Variants in COL23A1 observed in about 807,000 individuals in gnomAD.
The protein encoded by COL23A1 is collagen alpha-1(XXIII) chain.
Under a neutral mutation model 99.3 loss-of-function variants are expected in COL23A1, and 97 were observed. The ratio of observed to expected loss-of-function variants is 0.98; its 90% CI spans 0.83 to 1.16. COL23A1 has a LOEUF of 1.16. COL23A1 is among the 50% of genes most tolerant of loss of function. The probability of loss-of-function intolerance (pLI) is 0.00; values close to 1 mark genes in which losing one functional copy is unlikely to be tolerated. For missense variants in COL23A1, 762 were observed against 757.4 expected (o/e 1.01, Z -0.07); for synonymous variants, 320 against 308.2 (o/e 1.04, Z -0.40).
intron 2 of COL23A1, among the ~76,000 whole-genome samples, chr5:178,354,682 T>C (rs1305869772): frequency 6.6e-6 from 1 of 152,172 alleles, no homozygotes; most frequent in East Asian, 1.9e-4. Flanking sequence ...CCACCATGAT[T>C]GTAAGTTTCC....
intron 2 of COL23A1, among the ~76,000 whole-genome samples, chr5:178,545,644 A>C (rs1430142402): frequency 6.6e-6 from 1 of 152,118 alleles, no homozygotes; most frequent in Admixed American, 6.5e-5. Flanking sequence ...ATGATTGAGC[A>C]GAAGGTCTGC....
chr5:178,258,913 C>A (rs200345776), intron 12 of COL23A1, among the ~76,000 whole-genome samples: 15 of 117,590 alleles, frequency 1.3e-4, no homozygotes, highest in Admixed American at 1.1e-3. Context: ...CCAGGGTGGT[C>A]TTTTTTTTTT....
intron 2 of COL23A1, among the ~76,000 whole-genome samples, chr5:178,311,833 C>T (rs916501147): frequency 1.3e-5 from 2 of 151,508 alleles, no homozygotes; most frequent in Admixed American, 6.6e-5. Flanking sequence ...CAGGTTCAAG[C>T]GACTCCTCTG....
intron 19 of COL23A1, among the ~76,000 whole-genome samples, 159 bp downstream of exon 19, chr5:178,248,958 G>A (rs1367794907): frequency 6.6e-6 from 1 of 152,228 alleles, no homozygotes; most frequent in Non-Finnish European, 1.5e-5. Flanking sequence ...GAGGAGGACA[G>A]CGCTGGCCCA....
intron 2 of COL23A1, among the ~76,000 whole-genome samples, chr5:178,389,918 C>A (rs1037382937): frequency 6.6e-6 from 1 of 152,236 alleles, no homozygotes; most frequent in Non-Finnish European, 1.5e-5. Flanking sequence ...CCTGCCAAGA[C>A]ACCGGTAAGC....
intron 1 of COL23A1, among the ~76,000 whole-genome samples, chr5:178,564,624 C>T (rs1372601337): frequency 6.6e-6 from 1 of 152,132 alleles, no homozygotes; most frequent in Non-Finnish European, 1.5e-5. Flanking sequence ...GGCAAGTTCC[C>T]TTCTAGAAGT....
At chr5:178,486,405 G>T (rs1018097760) in intron 2 of COL23A1, among the ~76,000 whole-genome samples, 1 of 152,218 alleles carries the variant, frequency 6.6e-6, no homozygotes, top group African/African-American at 2.4e-5. Context: ...GAATACCCGA[G>T]GGTGAACCGT....
At chr5:178,396,901 T>G (rs2127758665) in intron 2 of COL23A1, among the ~76,000 whole-genome samples, 1 of 152,268 alleles carries the variant, frequency 6.6e-6, no homozygotes, top group African/African-American at 2.4e-5. Context: ...GGCGTGGACT[T>G]CAAAGAGCAG....
At chr5:178,421,106 G>A (rs1451029243) in intron 2 of COL23A1, among the ~76,000 whole-genome samples, 2 of 152,084 alleles carry the variant, frequency 1.3e-5, no homozygotes. Flanking sequence ...GGCTGGTCTG[G>A]GGAAAAAGGT....
At chr5:178,563,552 G>A (rs575544826) in intron 1 of COL23A1, among the ~76,000 whole-genome samples, 3 of 61,714 alleles carry the variant, frequency 4.9e-5, no homozygotes, top group African/African-American at 1.5e-4. Flanking sequence ...TTTTTTTTGA[G>A]ACAGGGTCTC....
At chr5:178,421,085 C>T (rs1305414001) in intron 2 of COL23A1, among the ~76,000 whole-genome samples, 3 of 152,054 alleles carry the variant, frequency 2.0e-5, no homozygotes, top group African/African-American at 4.8e-5. Context: ...TCCATTTTCT[C>T]TTAATAAATA....
At chr5:178,304,156 G>C (rs887026870) in intron 3 of COL23A1, among the ~76,000 whole-genome samples, 1 of 152,160 alleles carries the variant, frequency 6.6e-6, no homozygotes, top group Non-Finnish European at 1.5e-5. Flanking sequence ...CACCCTATCT[G>C]CAGGCCTGCA....
At chr5:178,495,815 G>C (rs539004328) in intron 2 of COL23A1, among the ~76,000 whole-genome samples, 1 of 152,304 alleles carries the variant, frequency 6.6e-6, no homozygotes, top group East Asian at 1.9e-4. Context: ...GTTAACATCT[G>C]TGAATGCTTT....
intron 2 of COL23A1, among the ~76,000 whole-genome samples, chr5:178,461,384 A>T (rs1206811384): frequency 6.6e-6 from 1 of 152,168 alleles, no homozygotes; most frequent in African/African-American, 2.4e-5. Context: ...AGGCCAAGGG[A>T]CCTGCCATCC....
At chr5:178,324,179 AG>A (rs34895995) in intron 2 of COL23A1, among the ~76,000 whole-genome samples, 47,772 of 151,726 alleles carry the variant, frequency 0.31, 9,071 homozygotes, top group Middle Eastern at 0.43. Context: ...TGGAAGGTGC[AG>A]GGGGTGCTTG....
chr5:178,488,811 G>T (rs1757773411), intron 2 of COL23A1, among the ~76,000 whole-genome samples: 1 of 152,198 alleles, frequency 6.6e-6, no homozygotes, highest in Admixed American at 6.5e-5. Flanking sequence ...GGTAGCTAAG[G>T]AAGCAAATGG....
At chr5:178,547,303 T>C (rs1761637111) in intron 2 of COL23A1, among the ~76,000 whole-genome samples, 1 of 151,902 alleles carries the variant, frequency 6.6e-6, no homozygotes, top group South Asian at 2.1e-4. Context: ...AAGTCACCTC[T>C]ATGACCGGCA....
intron 5 of COL23A1, among the ~76,000 whole-genome samples, chr5:178,284,706 A>ATT (rs1442018083): frequency 1.3e-5 from 2 of 152,240 alleles, no homozygotes; most frequent in African/African-American, 4.8e-5. Context: ...CAATGTAGCC[A>ATT]TTACATTCTC....
intron 2 of COL23A1, among the ~76,000 whole-genome samples, chr5:178,497,197 G>T (rs951825127): frequency 6.6e-6 from 1 of 152,182 alleles, no homozygotes; most frequent in African/African-American, 2.4e-5. Flanking sequence ...AAAACCATGA[G>T]CTGTGCAGTG....
Sources: allele counts gnomAD v4.1 joint callset (sites outside exome capture counted in the v4.1 genomes callset), GRCh38; gene constraint gnomAD v4.1.1; transcripts MANE v1.5; gene names NCBI Gene and HGNC (gene_info 2026-07-23, HGNC 2026-07-21).